PPP1R9B: variants seen among roughly 807,000 people sequenced by gnomAD.
PPP1R9B encodes the protein neurabin-2.
In PPP1R9B, 17 loss-of-function variants were observed where a neutral mutation model predicts 75.8. That is an observed-to-expected ratio of 0.22 (90% CI 0.15 to 0.34). The LOEUF (loss-of-function observed/expected upper bound fraction) is 0.34, where lower values mean the gene tolerates loss of function less well. Among genes scored for constraint, PPP1R9B ranks in the 10% least tolerant of loss-of-function variants. The pLI, the probability that PPP1R9B is intolerant of heterozygous loss-of-function variation, is 1.00. For synonymous variants in PPP1R9B, 509 were observed against 535.4 expected, an observed-to-expected ratio of 0.95 and a Z score of 0.68; for missense variants, 875 against 1,196.0, an observed-to-expected ratio of 0.73 and a Z score of 3.96.
At chr17:50,135,484 A>AC in intron 9 of PPP1R9B, 69 bp downstream of exon 9, 1 of 1,577,334 alleles carries the variant, frequency 6.3e-7, no homozygotes, top group South Asian at 1.1e-5. Flanking sequence ...TCCCTCCAGG[A>AC]CCCACAGGGT....
intron 2 of PPP1R9B, among the ~76,000 whole-genome samples, chr17:50,144,659 GCA>G (rs1171996486): frequency 1.3e-5 from 2 of 152,128 alleles, no homozygotes; most frequent in African/African-American, 4.8e-5. Context: ...ATGCCCCCAA[GCA>G]CAGTCTGGTT....
intron 2 of PPP1R9B, among the ~76,000 whole-genome samples, chr17:50,144,616 C>T (rs116479719): frequency 0.017 from 2,569 of 152,290 alleles, 70 homozygotes; most frequent in African/African-American, 0.059. Context: ...TCCTCCTCAC[C>T]AGAGTGCAAC....
chr17:50,141,246 GC>G, intron 4 of PPP1R9B, 22 bp downstream of exon 4: 2 of 1,521,508 alleles, frequency 1.3e-6, no homozygotes, highest in Non-Finnish European at 8.9e-7. Flanking sequence ...CCGCTCCCAC[GC>G]CCCACCCCTC....
Position 50,139,501 on chromosome 17 carries a change from C to T in PPP1R9B, c.1947G>A (p.Glu649=), listed in dbSNP as rs749920053. ...ACAGTGCATCCTCGTTCTCCGCTAG[C>T]TCAAACACCTCGATGGCCATCTCAC... is the stretch of plus-strand genomic sequence containing the variant. ...PGGEMAIEVF[E]LAENEDALSP... Residue 649 remains glutamate (E), a synonymous_variant, in exon 6 of 10, where the codon GAG becomes GAA. Transcript: ENST00000612501. The surrounding 1 kb of genome is among the most constrained non-coding windows in gnomAD (Gnocchi z 5.0). The T allele has an allele frequency of 3.7e-6, 6 of 1,601,992 alleles. No homozygotes were observed. In the South Asian group the frequency reaches 5.6e-5, roughly 15 times the overall value.
chr17:50,147,156 G>A (rs1016771084), intron 1 of PPP1R9B, among the ~76,000 whole-genome samples: 3 of 152,230 alleles, frequency 2.0e-5, no homozygotes, highest in African/African-American at 7.2e-5. Flanking sequence ...CCTGCCGCCT[G>A]CAGGAATCCC....
At chr17:50,138,062 C>T (rs1912273176) in intron 7 of PPP1R9B, among the ~76,000 whole-genome samples, 3 of 152,170 alleles carry the variant, frequency 2.0e-5, no homozygotes, top group Non-Finnish European at 1.5e-5. Context: ...AGCAGAGGCC[C>T]CATACAGACT....
intron 1 of PPP1R9B, among the ~76,000 whole-genome samples, chr17:50,145,487 T>G (rs1912490482): frequency 1.3e-5 from 2 of 152,122 alleles, no homozygotes; most frequent in African/African-American, 4.8e-5. Context: ...TGCTATTCTC[T>G]CTGTAGCTCC....
Position 50,135,170 on chromosome 17 carries a change from A to C in PPP1R9B, c.*161T>G, listed in dbSNP as rs1047608479. ...CCATCTTAAGGGGGCCTGTGATATGAGCCCTCTGGTCCCTGAAGCTGGGGG... is the reference window on the plus strand; with the variant it reads ...CCATCTTAAGGGGGCCTGTGATATGCGCCCTCTGGTCCCTGAAGCTGGGGG... On this transcript the variant is annotated 3_prime_UTR_variant, in exon 10 of 10. Coordinates refer to ENST00000612501, the MANE Select transcript of PPP1R9B (RefSeq NM_032595.5). The C allele has an allele frequency of 1.7e-6, 1 of 604,004 alleles. No homozygotes were observed. The highest frequency in any genetic ancestry group is 2.2e-5 in the African/African-American group (1 of 46,236). The allele number at this position is 604,004 out of a possible 1,614,324, so 37.4% of individuals were successfully genotyped here.
chr17:50,140,995 AAGG>A (rs1912361732), intron 4 of PPP1R9B, among the ~76,000 whole-genome samples: 1 of 151,962 alleles, frequency 6.6e-6, no homozygotes, highest in Non-Finnish European at 1.5e-5. Flanking sequence ...AGGTAGGGGG[AAGG>A]AGAAGAAGCC....
Position 50,139,985 on chromosome 17 carries a change from C to A in PPP1R9B, c.1866+108G>T, listed in dbSNP as rs1912326849. On this transcript the variant is annotated intron_variant, in intron 5 of 9. Transcript: ENST00000612501. This position sits in a 1 kb window ranked among gnomAD's most constrained non-coding sequence, Gnocchi z 5.0. ...TGTGACTGGAGGACAGGGAATGGCA[C>A]TGTGGGCTTTTTACTAGGGCAGGGG... 1 of 1,248,046 alleles carries A rather than the reference C, an allele frequency of 8.0e-7. No individual in the cohort carries two copies. The highest frequency in any genetic ancestry group is 1.5e-5 in the African/African-American group (1 of 67,432). 77.3% of individuals were successfully genotyped at this position (1,248,046 alleles called of 1,614,324 possible).
chr17:50,147,787 G>C (rs1002777677), intron 1 of PPP1R9B, among the ~76,000 whole-genome samples: 1 of 152,264 alleles, frequency 6.6e-6, no homozygotes, highest in Middle Eastern at 3.4e-3. Flanking sequence ...CAGCCCAGGG[G>C]AGAGGCTGGC....
chr17:50,147,808 C>G (rs1034823024), intron 1 of PPP1R9B, among the ~76,000 whole-genome samples: 1 of 152,090 alleles, frequency 6.6e-6, no homozygotes, highest in African/African-American at 2.4e-5. Flanking sequence ...CTGAGAGCCA[C>G]TCACTTTTAA....
At chr17:50,147,071 A>C (rs1912535368) in intron 1 of PPP1R9B, among the ~76,000 whole-genome samples, 1 of 152,030 alleles carries the variant, frequency 6.6e-6, no homozygotes, top group Non-Finnish European at 1.5e-5. Flanking sequence ...GACCTCCAAA[A>C]CACACCTCAC....
At chr17:50,146,481 G>A (rs1003637963) in intron 1 of PPP1R9B, among the ~76,000 whole-genome samples, 2 of 152,158 alleles carry the variant, frequency 1.3e-5, no homozygotes, top group African/African-American at 4.8e-5. Context: ...GACCTTGTGG[G>A]CACCCTGGTG....
At chr17:50,145,343 G>A in intron 1 of PPP1R9B, 98 bp from the exon 2 acceptor site, 1 of 1,476,066 alleles carries the variant, frequency 6.8e-7, no homozygotes, top group Non-Finnish European at 9.3e-7. Flanking sequence ...CCCACCCCAT[G>A]CCTCCCCATG....
At chr17:50,141,226 G>T in intron 4 of PPP1R9B, 43 bp downstream of exon 4, 1 of 1,334,290 alleles carries the variant, frequency 7.5e-7, no homozygotes, top group South Asian at 1.3e-5. Context: ...CCTGGACGAG[G>T]ACCTCCTGCC....
chr17:50,135,071 G>A lies in PPP1R9B; in HGVS notation c.*260C>T. ...TCGACCACCAGGCCAGCCCTCGGCA[G>A]CCCTCGGCCTCTGTGCCTCAGCCCC... On this transcript the variant is annotated 3_prime_UTR_variant, in exon 10 of 10. Coordinates refer to ENST00000612501, the MANE Select transcript of PPP1R9B (RefSeq NM_032595.5). 1 of 551,224 alleles carries A rather than the reference G, an allele frequency of 1.8e-6. No individual in the cohort carries two copies. Among genetic ancestry groups the A allele is most frequent in the Non-Finnish European group, 3.3e-6 (1 of 305,978 alleles). The allele number at this position is 551,224 out of a possible 1,614,324, so 34.1% of individuals were successfully genotyped here. A position where few individuals can be genotyped will look rare whatever the true frequency, so the allele number is the denominator to read the frequency against.
chr17:50,149,998 C>A lies in PPP1R9B; in HGVS notation c.516G>T (p.Arg172Ser). The change falls in exon 1 of 10, where the codon AGG (arginine) becomes AGT (serine). Residue 172 changes from arginine to serine, a missense_variant. By Grantham distance (110) the Arg-to-Ser change is moderately radical. Around this residue, in one of 4 missense-constraint regions of PPP1R9B, gnomAD observed 449 missense variants for 475.0 expected, o/e 0.95. Coordinates refer to ENST00000612501, the MANE Select transcript of PPP1R9B (RefSeq NM_032595.5). This position sits in a 1 kb window ranked among gnomAD's most constrained non-coding sequence, Gnocchi z 7.2. ...DKEAAARRLL[R>S]QERAGLQDRK... ...GGTCCTGCAGGCCGGCGCGCTCCTG[C>A]CTCAGCAGCCGCCGCGCCGCGGCCT... 6.7e-7 allele frequency: 1 copy of A among 1,492,856 alleles called. No individual in the cohort carries two copies. Among genetic ancestry groups the A allele is most frequent in the Admixed American group, 2.3e-5 (1 of 43,222 alleles). The allele number at this position is 1,492,856 out of a possible 1,614,324, so 92.5% of individuals were successfully genotyped here.
intron 4 of PPP1R9B, among the ~76,000 whole-genome samples, chr17:50,140,766 T>G (rs1912353990): frequency 6.6e-6 from 1 of 152,104 alleles, no homozygotes; most frequent in South Asian, 2.1e-4. Context: ...GTACCCCTCT[T>G]GCAGGGGGGC....
Sources: allele counts gnomAD v4.1 joint callset (sites outside exome capture counted in the v4.1 genomes callset), GRCh38; gene constraint gnomAD v4.1.1; regional missense constraint gnomAD v4.1.1; non-coding constraint Gnocchi (gnomAD v3.1); transcripts MANE v1.5; gene names NCBI Gene and HGNC (gene_info 2026-07-23, HGNC 2026-07-21).